The following LRRD1 variants were observed in gnomAD, a reference collection of about 807,000 sequenced individuals.
LRRD1 encodes the protein leucine rich repeats and death domain containing 1.
A neutral mutation model predicts 69.5 loss-of-function variants in LRRD1; 49 were observed. The observed-to-expected ratio is 0.70, with a 90% CI of 0.56 to 0.89. The LOEUF (loss-of-function observed/expected upper bound fraction) is 0.89. Ranked by LOEUF, LRRD1 falls within the 40% of genes least tolerant of loss-of-function variation. The pLI is 0.00. For synonymous variants in LRRD1, 303 were observed against 338.9 expected (o/e 0.89, Z 1.16); for missense variants, 853 against 956.0 (o/e 0.89, Z 1.42).
At chr7:92,175,450 C>G (rs1789171497) in intron 1 of LRRD1, among the ~76,000 whole-genome samples, 1 of 152,062 alleles carries the variant, frequency 6.6e-6, no homozygotes, top group Non-Finnish European at 1.5e-5. Flanking sequence ...GAGTTTGAGA[C>G]CAGCCTGACC....
At chr7:92,159,841 G>A (rs752440085) in intron 2 of LRRD1, among the ~76,000 whole-genome samples, 9 of 151,928 alleles carry the variant, frequency 5.9e-5, no homozygotes, top group Non-Finnish European at 1.0e-4. Context: ...AGCTGGTTTC[G>A]AACTCCTGAC....
At chr7:92,163,222 A>G in intron 2 of LRRD1, 64 bp downstream of exon 2, 1 of 1,089,476 alleles carries the variant, frequency 9.2e-7, no homozygotes, top group Non-Finnish European at 1.2e-6. Flanking sequence ...GATACACCAC[A>G]GCTTGGATTC....
rs755680567 is a variant in LRRD1 at position 92,163,525 on chromosome 7, C to A, written c.1678G>T (p.Val560Leu). The change falls in exon 2 of 6, where the codon GTA becomes TTA. Residue 560 changes from valine to leucine, a missense_variant. Around this residue, in one of 3 missense-constraint regions of LRRD1, gnomAD observed 739 missense variants for 808.0 expected, o/e 0.91. Transcript: ENST00000458448. ...AATTTATTACAGCATAAAATAAGTA[C>A]GTGGAGTGATATCATATTAGAAATT... ...ASISNMISLH[V>L]LILCCNKFET... is the part of the protein sequence containing the mutation. 4.6e-6 allele frequency: 7 copies of A among 1,528,272 alleles called. No homozygotes were observed. Among genetic ancestry groups the A allele is most frequent in the Non-Finnish European group, 6.1e-6 (7 of 1,138,652 alleles). The allele number at this position is 1,528,272 out of a possible 1,614,324, so 94.7% of individuals were successfully genotyped here.
chr7:92,160,768 G>T (rs972616423), intron 2 of LRRD1, among the ~76,000 whole-genome samples: 1 of 152,084 alleles, frequency 6.6e-6, no homozygotes, highest in Non-Finnish European at 1.5e-5. Flanking sequence ...AGCTGAGATC[G>T]CACCACTGTC....
At chr7:92,152,434 G>A (rs1820494505) in intron 3 of LRRD1, among the ~76,000 whole-genome samples, 1 of 151,952 alleles carries the variant, frequency 6.6e-6, no homozygotes, top group African/African-American at 2.4e-5. Flanking sequence ...CAATTACAAA[G>A]GAAGCTTCTC....
intron 1 of LRRD1, among the ~76,000 whole-genome samples, chr7:92,171,032 G>A (rs967715024): frequency 1.3e-5 from 2 of 151,932 alleles, no homozygotes; most frequent in African/African-American, 4.8e-5. Flanking sequence ...ACAATCTATG[G>A]GATACAGCAA....
intron 1 of LRRD1, among the ~76,000 whole-genome samples, chr7:92,178,451 A>C (rs2131032453): frequency 6.6e-6 from 1 of 152,026 alleles, no homozygotes; most frequent in East Asian, 1.9e-4. Context: ...CAGGCAGATC[A>C]CTTGAGGTCA....
At chr7:92,152,152 T>TGTGTGTGTGTGC (rs1820484912) in intron 3 of LRRD1, among the ~76,000 whole-genome samples, 1 of 149,506 alleles carries the variant, frequency 6.7e-6, no homozygotes, top group African/African-American at 2.5e-5. Context: ...TGTGTGTGTG[T>TGTGTGTGTGTGC]GTGTGTGTGT....
intron 5 of LRRD1, among the ~76,000 whole-genome samples, chr7:92,145,569 A>C (rs7781009): frequency 0.034 from 5,113 of 151,434 alleles, 249 homozygotes; most frequent in African/African-American, 0.11. Flanking sequence ...CCTCCCGAGT[A>C]GCTGGGACTA....
rs1210774365 is a variant in LRRD1 at position 92,150,511 on chromosome 7, A to G, written c.2278+23T>C. The G allele has an allele frequency of 2.7e-6, 4 of 1,464,990 alleles. No individual in the cohort carries two copies. The South Asian group carries it at 6.0e-5, about 22-fold the overall frequency. The allele number at this position is 1,464,990 out of a possible 1,614,324, so 90.7% of individuals were successfully genotyped here. A position where few individuals can be genotyped will look rare whatever the true frequency, so the allele number is the denominator to read the frequency against. ...AAATAAAAAAGAAATGACTTGTTAG[A>G]TAGTCAATCACTCATCACCTACCAT... On this transcript the variant is annotated intron_variant, in intron 4 of 5. Transcript: ENST00000458448.
Position 92,150,547 on chromosome 7 carries a change from T to A in LRRD1, c.2265A>T (p.Ala755=), listed in dbSNP as rs757548992. 40 of 1,544,626 alleles carry A rather than the reference T, an allele frequency of 2.6e-5. No homozygotes were observed. In the East Asian group the frequency reaches 9.3e-4, roughly 36 times the overall value. The change falls in exon 4 of 6, where the codon GCA becomes GCT. Residue 755 remains alanine (A), a synonymous_variant. Transcript: ENST00000458448. The stretch of plus-strand genomic sequence containing the variant: ...CTCATCACCTACCATCTCTTTCATC[T>A]GCCCTCTGTAGATAGCGTGCAATAG... ...LYTIARYLQR[A]DERDEKILEK...
chr7:92,149,777 T>A, intron 4 of LRRD1: 1 of 279,092 alleles, frequency 3.6e-6, no homozygotes, highest in South Asian at 3.4e-5. Context: ...GGTCTCGAAC[T>A]TCTGAGCTCA....
At chr7:92,169,780 CAAA>C (rs1298837215) in intron 1 of LRRD1, among the ~76,000 whole-genome samples, 1 of 151,822 alleles carries the variant, frequency 6.6e-6, no homozygotes, top group African/African-American at 2.4e-5. Context: ...TGAAAATACT[CAAA>C]GAAGGCCAGG....
chr7:92,158,936 C>A (rs1788737867), intron 3 of LRRD1, 69 bp downstream of exon 3: 1 of 1,295,914 alleles, frequency 7.7e-7, no homozygotes, highest in South Asian at 1.4e-5. Context: ...ATCTTGTCAG[C>A]AAAATTTGCA....
At chr7:92,174,510 T>TATATATATATGTATATATA (rs1491100533) in intron 1 of LRRD1, among the ~76,000 whole-genome samples, 1 of 12,608 alleles carries the variant, frequency 7.9e-5, no homozygotes, top group Admixed American at 1.2e-3. Context: ...TATATATATA[T>TATATATATATGTATATATA]TTTTTTTTTT....
intron 2 of LRRD1, among the ~76,000 whole-genome samples, chr7:92,161,219 A>G (rs1203281587): frequency 6.6e-6 from 1 of 152,272 alleles, no homozygotes; most frequent in Non-Finnish European, 1.5e-5. Flanking sequence ...TTCTTCAGAT[A>G]AGTGACCATC....
At position 92,166,280 on chromosome 7, in the gene LRRD1, T is replaced by C. The variant is rs1031060178; in HGVS notation, c.-74-1004A>G. Among the ~76,000 whole-genome samples, 38 of 152,228 alleles carry C rather than the reference T, an allele frequency of 2.5e-4. 2 individuals are homozygous for C. Among genetic ancestry groups the C allele is most frequent in the Non-Finnish European group, 1.5e-5 (1 of 68,038 alleles). On this transcript the variant is annotated intron_variant, in intron 1 of 5. Coordinates refer to ENST00000458448, the MANE Select transcript of LRRD1 (RefSeq NM_001161528.2). ...TGGTAGCTACTTCCTATGTTTACTA[T>C]CTCTGTGTTGCTGCAGTTCCATCTT... is the stretch of plus-strand genomic sequence containing the variant.
At chr7:92,148,605 T>C (rs1158980918) in intron 4 of LRRD1, among the ~76,000 whole-genome samples, 1 of 152,104 alleles carries the variant, frequency 6.6e-6, no homozygotes, top group East Asian at 1.9e-4. Flanking sequence ...AAGCCTGCAA[T>C]ATGAAGGCTC....
At chr7:92,170,561 C>G (rs1218567075) in intron 1 of LRRD1, among the ~76,000 whole-genome samples, 2 of 152,160 alleles carry the variant, frequency 1.3e-5, no homozygotes, top group Non-Finnish European at 1.5e-5. Flanking sequence ...TAAAGGCGTT[C>G]TAATTTGTCT....
Sources: allele counts gnomAD v4.1 joint callset (sites outside exome capture counted in the v4.1 genomes callset), GRCh38; gene constraint gnomAD v4.1.1; regional missense constraint gnomAD v4.1.1; transcripts MANE v1.5; gene names NCBI Gene and HGNC (gene_info 2026-07-23, HGNC 2026-07-21).